Variants in PLB1 observed in about 807,000 individuals in gnomAD.
The protein encoded by PLB1 is phospholipase B1, membrane-associated.
In PLB1, 242 loss-of-function variants were observed where a neutral mutation model predicts 227.4. The observed-to-expected ratio is 1.06, with a 90% CI of 0.96 to 1.18. The LOEUF is 1.18. Among genes scored for constraint, PLB1 ranks in the 50% most tolerant of loss-of-function variants. PLB1 has a pLI of 0.00. For missense variants in PLB1, 1,858 were observed against 1,816.3 expected (o/e 1.02, Z -0.42); for synonymous variants, 757 against 682.2 (o/e 1.11, Z -1.71).
intron 43 of PLB1, among the ~76,000 whole-genome samples, chr2:28,610,612 G>A (rs1534476): frequency 0.41 from 62,858 of 151,940 alleles, 13,970 homozygotes; most frequent in East Asian, 0.88. Context: ...CCTCATATGG[G>A]TATTTCTCCT....
chr2:28,535,229 A>T (rs1055156089), intron 9 of PLB1, among the ~76,000 whole-genome samples: 1 of 152,268 alleles, frequency 6.6e-6, no homozygotes, highest in Non-Finnish European at 1.5e-5. Context: ...CAATAACATG[A>T]TGTCCATAAA....
At chr2:28,571,886 T>G (rs1039298559) in intron 20 of PLB1, among the ~76,000 whole-genome samples, 1 of 152,138 alleles carries the variant, frequency 6.6e-6, no homozygotes, top group South Asian at 2.1e-4. Flanking sequence ...AAACAAAGTC[T>G]TCTTAGATAT....
At position 28,592,665 on chromosome 2, in the gene PLB1, T is replaced by C; in HGVS notation, c.2193T>C (p.His731=). Residue 731 remains histidine (H), a synonymous_variant, in exon 32 of 58, where the codon CAT becomes CAC. Transcript: ENST00000327757. ...APSALHPTSV[H]ALRPADIQVV... ...TGTGTCCACTTGTCTTTCCAGTGCA[T>C]GCCCTGAGACCTGCAGACATCCAAG... is the stretch of plus-strand genomic sequence containing the variant. 1 of 1,614,188 alleles carries C rather than the reference T, an allele frequency of 6.2e-7. No homozygotes were observed. The highest frequency in any genetic ancestry group is 8.5e-7 in the Non-Finnish European group (1 of 1,180,008).
chr2:28,602,113 C>A (rs769825988), intron 38 of PLB1, 149 bp downstream of exon 38: 181 of 762,962 alleles, frequency 2.4e-4, no homozygotes, highest in Non-Finnish European at 3.0e-4. Context: ...TGGGGTCTAA[C>A]CCCAAGGAAA....
rs1687797320 is a variant in PLB1 at position 28,626,476 on chromosome 2, G to T, written c.3628G>T (p.Val1210Phe). The T allele has an allele frequency of 6.2e-7, 1 of 1,614,162 alleles. No homozygotes were observed. The highest frequency in any genetic ancestry group is 2.2e-5 in the East Asian group (1 of 44,878). The change falls in exon 51 of 58, where the codon GTC becomes TTC. Residue 1210 changes from valine to phenylalanine, a missense_variant. Coordinates refer to ENST00000327757, the MANE Select transcript of PLB1 (RefSeq NM_153021.5). ...GAAGCTGGTCACACTCTTCATTGGG[G>T]TCAACGACTTGTGTCATTACTGTGA... ...DWKLVTLFIG[V>F]NDLCHYCENP...
chr2:28,516,889 G>A lies in PLB1; in HGVS notation c.117+20G>A. 1 of 1,609,930 alleles carries A rather than the reference G, an allele frequency of 6.2e-7. No individual in the cohort carries two copies. The highest frequency in any genetic ancestry group is 8.5e-7 in the Non-Finnish European group (1 of 1,176,308). ...CCAGAGGTAAGGGCTTTGGCTGGTG[G>A]GAGGTGCGTGTGTATGGAGGGGAGA... On this transcript the variant is annotated intron_variant, in intron 2 of 57. Transcript: ENST00000327757.
At chr2:28,618,174 C>T (rs1025479179) in intron 45 of PLB1, among the ~76,000 whole-genome samples, 167 bp from the exon 46 acceptor site, 15 of 152,196 alleles carry the variant, frequency 9.9e-5, no homozygotes, top group African/African-American at 3.1e-4. Context: ...CCTGCAGTGC[C>T]TTGGTTGGTC....
Position 28,617,717 on chromosome 2 carries a change from G to A in PLB1, c.3196-10G>A, listed in dbSNP as rs568792406. ...TGTTGGGCACTGAATCTTTTCTCCT[G>A]TTGATTTAGAACTGGGGCAGTGACT... On this transcript the variant is annotated splice_polypyrimidine_tract_variant and intron_variant, in intron 44 of 57. Transcript: ENST00000327757. The A allele has an allele frequency of 1.9e-6, 3 of 1,613,838 alleles. No individual in the cohort carries two copies. The South Asian group carries it at 3.3e-5, about 18-fold the overall frequency.
Position 28,612,375 on chromosome 2 carries a change from C to T in PLB1, c.3130-1656C>T, listed in dbSNP as rs550618551. Among the ~76,000 whole-genome samples, 19 of 152,216 alleles carry T rather than the reference C, an allele frequency of 1.2e-4. No individual in the cohort carries two copies. In the South Asian group the frequency reaches 1.5e-3, roughly 12 times the overall value. The stretch of plus-strand genomic sequence containing the variant: ...TTGGCCTGACCTCCAGTGTGAGGAA[C>T]GGAACCAGGCAAGAGGCTTGTCCAG... On this transcript the variant is annotated intron_variant, in intron 43 of 57. Coordinates refer to ENST00000327757, the MANE Select transcript of PLB1 (RefSeq NM_153021.5).
intron 1 of PLB1, among the ~76,000 whole-genome samples, chr2:28,504,500 T>C (rs1364597084): frequency 6.6e-6 from 1 of 152,174 alleles, no homozygotes; most frequent in Non-Finnish European, 1.5e-5. Flanking sequence ...CCCAGCACTT[T>C]GGGAGGCTGA....
chr2:28,616,709 C>T (rs1686251285), intron 44 of PLB1, among the ~76,000 whole-genome samples: 1 of 152,194 alleles, frequency 6.6e-6, no homozygotes, highest in Admixed American at 6.5e-5. Context: ...CAAGCATGCT[C>T]TTGAGTTCAT....
intron 50 of PLB1, among the ~76,000 whole-genome samples, chr2:28,625,895 G>A (rs1302325438): frequency 2.0e-5 from 3 of 147,106 alleles, no homozygotes; most frequent in East Asian, 2.0e-4. Flanking sequence ...GCAGAACCCC[G>A]TCCCCCGCCA....
At chr2:28,521,084 T>C (rs764648345) in intron 4 of PLB1, among the ~76,000 whole-genome samples, 22 of 152,216 alleles carry the variant, frequency 1.4e-4, no homozygotes, top group Non-Finnish European at 2.4e-4. Flanking sequence ...GTCCTCAGGG[T>C]TCATCCATAT....
intron 1 of PLB1, among the ~76,000 whole-genome samples, chr2:28,497,140 C>T (rs1251463390): frequency 2.0e-5 from 3 of 152,186 alleles, no homozygotes; most frequent in South Asian, 4.1e-4. Context: ...TGTGAAGTGC[C>T]TGTTGAAGTC....
intron 49 of PLB1, among the ~76,000 whole-genome samples, chr2:28,622,716 C>T (rs1029696108): frequency 2.0e-5 from 3 of 152,218 alleles, no homozygotes; most frequent in East Asian, 1.9e-4. Flanking sequence ...GGTGAAACCC[C>T]ATCTCTACTA....
intron 9 of PLB1, among the ~76,000 whole-genome samples, chr2:28,537,879 G>A (rs1236416344): frequency 6.6e-6 from 1 of 152,092 alleles, no homozygotes; most frequent in Non-Finnish European, 1.5e-5. Flanking sequence ...AGGATCACAT[G>A]AAGGTTCCGA....
chr2:28,543,842 T>C (rs1202653325), intron 14 of PLB1, among the ~76,000 whole-genome samples: 1 of 152,178 alleles, frequency 6.6e-6, no homozygotes, highest in East Asian at 1.9e-4. Flanking sequence ...TCCACGTGGA[T>C]TGGCCTTTTT....
At chr2:28,500,237 T>C (rs1207311619) in intron 1 of PLB1, among the ~76,000 whole-genome samples, 1 of 152,266 alleles carries the variant, frequency 6.6e-6, no homozygotes, top group Non-Finnish European at 1.5e-5. Context: ...CTCGGCTTTT[T>C]GTTTGTTTCT....
chr2:28,604,823 G>T, intron 41 of PLB1, 64 bp downstream of exon 41: 1 of 1,448,074 alleles, frequency 6.9e-7, no homozygotes, highest in Non-Finnish European at 9.6e-7. Context: ...AGAATTGCCA[G>T]TTGCTTCCAC....
Sources: allele counts gnomAD v4.1 joint callset (sites outside exome capture counted in the v4.1 genomes callset), GRCh38; gene constraint gnomAD v4.1.1; transcripts MANE v1.5; gene names NCBI Gene and HGNC (gene_info 2026-07-23, HGNC 2026-07-21).